Variants in PLEKHD1 observed in about 807,000 individuals in gnomAD.
PLEKHD1 encodes the protein pleckstrin homology domain-containing family D member 1.
PLEKHD1 carries 51 observed loss-of-function variants against 69.2 expected under a neutral mutation model. The ratio of observed to expected loss-of-function variants is 0.74; its 90% CI spans 0.59 to 0.93. PLEKHD1 has a LOEUF of 0.93. PLEKHD1 is among the 40% of genes least tolerant of loss of function. The pLI, the probability that PLEKHD1 is intolerant of heterozygous loss-of-function variation, is 0.00. For missense variants in PLEKHD1, 584 were observed against 641.0 expected (o/e 0.91, Z 0.96); for synonymous variants, 236 against 244.7 (o/e 0.96, Z 0.33).
Position 69,526,682 on chromosome 14 carries a change from C to A in PLEKHD1, c.924-15C>A. On this transcript the variant is annotated splice_polypyrimidine_tract_variant and intron_variant, in intron 9 of 12. Transcript: ENST00000322564. ...GCGAGTGAGCATTGAGAAAGTGCCTCTTCTGTCCCTACAGGATGAAGGAGA... is the reference window on the plus strand; with the variant it reads ...GCGAGTGAGCATTGAGAAAGTGCCTATTCTGTCCCTACAGGATGAAGGAGA... 1 of 1,489,112 alleles carries A rather than the reference C, an allele frequency of 6.7e-7. No homozygotes were observed. Among genetic ancestry groups the A allele is most frequent in the Non-Finnish European group, 9.0e-7 (1 of 1,115,220 alleles). The allele number at this position is 1,489,112 out of a possible 1,614,324, so 92.2% of individuals were successfully genotyped here.
chr14:69,470,262 A>G, the PLEKHD1 span, among the ~76,000 whole-genome samples: 2 of 151,810 alleles, frequency 1.3e-5, no homozygotes, highest in Non-Finnish European at 2.9e-5. Context: ...CAGGAGTTCA[A>G]GACCAACCTG....
In PLEKHD1 at chr14:69,520,815, G is replaced by A. The variant is rs370745817; in HGVS notation, c.556-1468G>A. Among the ~76,000 whole-genome samples the A allele has an allele frequency of 4.5e-4, 69 of 152,350 alleles. 1 individual carries two copies. In the South Asian group the frequency reaches 7.5e-3, roughly 16 times the overall value. ...ATAGACACTGGTTGCCATGGCAGGG[G>A]GAAGGGAACGTAGCACATCATGCAT... On this transcript the variant is annotated intron_variant, in intron 6 of 12. Transcript: ENST00000322564.
At chr14:69,491,895 T>C (rs17107022) in intron 1 of PLEKHD1, among the ~76,000 whole-genome samples, 6,577 of 152,308 alleles carry the variant, frequency 0.043, 450 homozygotes, top group African/African-American at 0.14. Context: ...TCCTGCTCAC[T>C]CTGCCCTTGT....
chr14:69,474,613 C>A, the PLEKHD1 span, among the ~76,000 whole-genome samples: 1 of 152,118 alleles, frequency 6.6e-6, no homozygotes, highest in African/African-American at 2.4e-5. Context: ...AAAGTCTTGC[C>A]TGTAAGCTGT....
chr14:69,528,686 G>A lies in PLEKHD1; in HGVS notation c.*267G>A. Reference sequence around the variant, plus strand: ...GTGCTGGTTGTCATGGTGAGGTGAGGACAGGACCTGGTTGTATGTGGAGAT... The same window carrying A: ...GTGCTGGTTGTCATGGTGAGGTGAGAACAGGACCTGGTTGTATGTGGAGAT... On this transcript the variant is annotated 3_prime_UTR_variant, in exon 13 of 13. Transcript: ENST00000322564. The A allele has an allele frequency of 5.9e-6, 3 of 509,192 alleles. No individual in the cohort carries two copies. Among genetic ancestry groups the A allele is most frequent in the Non-Finnish European group, 1.1e-5 (3 of 283,600 alleles). 31.5% of individuals were successfully genotyped at this position (509,192 alleles called of 1,614,324 possible).
At chr14:69,470,436 C>G in the PLEKHD1 span, among the ~76,000 whole-genome samples, 4 of 148,230 alleles carry the variant, frequency 2.7e-5, no homozygotes, top group Non-Finnish European at 5.9e-5. Context: ...GCACTCCAGC[C>G]TGGGTGACAG....
At chr14:69,490,467 C>G (rs1882753654) in intron 1 of PLEKHD1, among the ~76,000 whole-genome samples, 1 of 152,210 alleles carries the variant, frequency 6.6e-6, no homozygotes, top group East Asian at 1.9e-4. Flanking sequence ...CTGTGTGGCC[C>G]AGTTCCTAAC....
At chr14:69,480,796 G>A (rs1882527649), upstream of PLEKHD1, among the ~76,000 whole-genome samples, 1 of 152,200 alleles carries the variant, frequency 6.6e-6, no homozygotes, top group African/African-American at 2.4e-5. Flanking sequence ...GGGATTACAG[G>A]CATGCGCCAC....
At chr14:69,506,998 G>A (rs1309380142) in intron 6 of PLEKHD1, among the ~76,000 whole-genome samples, 4 of 148,952 alleles carry the variant, frequency 2.7e-5, no homozygotes. Flanking sequence ...TGCCTCCTGG[G>A]TTCAAGGGAT....
intron 6 of PLEKHD1, among the ~76,000 whole-genome samples, chr14:69,505,657 C>A (rs1883135985): frequency 6.6e-6 from 1 of 152,174 alleles, no homozygotes; most frequent in South Asian, 2.1e-4. Context: ...CTGGCTGCTG[C>A]GTACTTCTAG....
intron 1 of PLEKHD1, among the ~76,000 whole-genome samples, chr14:69,497,910 G>A (rs989295925): frequency 3.9e-5 from 6 of 152,110 alleles, no homozygotes; most frequent in African/African-American, 1.4e-4. Flanking sequence ...AAATGGGGCT[G>A]AGTACAGTGG....
chr14:69,482,003 C>G (rs568444257), upstream of PLEKHD1, among the ~76,000 whole-genome samples: 1 of 152,104 alleles, frequency 6.6e-6, no homozygotes, highest in African/African-American at 2.4e-5. Flanking sequence ...CCAAGGCTGA[C>G]CTGGTGCAGT....
intron 6 of PLEKHD1, among the ~76,000 whole-genome samples, chr14:69,518,744 G>A (rs1883442168): frequency 6.6e-6 from 1 of 152,160 alleles, no homozygotes; most frequent in Non-Finnish European, 1.5e-5. Context: ...AGAGAAAAGA[G>A]GTTAGTGTTG....
intron 6 of PLEKHD1, among the ~76,000 whole-genome samples, chr14:69,521,943 G>A (rs900621953): frequency 1.3e-5 from 2 of 152,170 alleles, no homozygotes; most frequent in African/African-American, 4.8e-5. Flanking sequence ...CAGCCAACCC[G>A]CCTGATGGTG....
chr14:69,494,425 G>A (rs1013628601), intron 1 of PLEKHD1, among the ~76,000 whole-genome samples: 1 of 152,178 alleles, frequency 6.6e-6, no homozygotes, highest in African/African-American at 2.4e-5. Context: ...TGGGAAGTAG[G>A]TGTAGGGACT....
In PLEKHD1 at chr14:69,503,086, T is replaced by C. The variant is rs1045159126; in HGVS notation, c.555+207T>C. 19 of 584,058 alleles carry C rather than the reference T, an allele frequency of 3.3e-5. No individual in the cohort carries two copies. The Admixed American group carries it at 4.1e-4, about 13-fold the overall frequency. 36.2% of individuals were successfully genotyped at this position (584,058 alleles called of 1,614,324 possible). A position where few individuals can be genotyped will look rare whatever the true frequency, so the allele number is the denominator to read the frequency against. On this transcript the variant is annotated intron_variant, in intron 6 of 12. Coordinates refer to ENST00000322564, the MANE Select transcript of PLEKHD1 (RefSeq NM_001161498.2). Reference sequence around the variant, plus strand: ...AAGTGTCTTTCTCCTTACCAACCCCTGGGAGTAAAGTGAAAAGGGTGGGTG... The same window carrying C: ...AAGTGTCTTTCTCCTTACCAACCCCCGGGAGTAAAGTGAAAAGGGTGGGTG...
At chr14:69,527,389 T>A in intron 11 of PLEKHD1, 57 bp downstream of exon 11, 1 of 1,547,646 alleles carries the variant, frequency 6.5e-7, no homozygotes, top group South Asian at 1.2e-5. Context: ...CCAGATGGGA[T>A]CCCGGCCCTG....
chr14:69,485,118 A>C lies in PLEKHD1; in HGVS notation c.149+4A>C, dbSNP rs1882625767. The C allele has an allele frequency of 6.5e-7, 1 of 1,548,434 alleles. No homozygotes were observed. The highest frequency in any genetic ancestry group is 8.7e-7 in the Non-Finnish European group (1 of 1,145,696). ...CGTCGGCCAAGTGGTCCCGGCGGTG[A>C]GTGCGCCCCCGCGCCCCAAGGAGAC... is the stretch of plus-strand genomic sequence containing the variant. On this transcript the variant is annotated splice_donor_region_variant and intron_variant, in intron 1 of 12. Coordinates refer to ENST00000322564, the MANE Select transcript of PLEKHD1 (RefSeq NM_001161498.2).
At chr14:69,473,304 G>A in the PLEKHD1 span, among the ~76,000 whole-genome samples, 4 of 152,060 alleles carry the variant, frequency 2.6e-5, 1 homozygote, top group Non-Finnish European at 5.9e-5. Flanking sequence ...ATTGCCTAAG[G>A]ACATGTTTCT....
Sources: allele counts gnomAD v4.1 joint callset (sites outside exome capture counted in the v4.1 genomes callset), GRCh38; gene constraint gnomAD v4.1.1; transcripts MANE v1.5; gene names NCBI Gene and HGNC (gene_info 2026-07-23, HGNC 2026-07-21).